Variants in RNF40 observed in about 807,000 individuals in gnomAD.
The protein encoded by RNF40 is E3 ubiquitin-protein ligase BRE1B.
RNF40 carries 39 observed loss-of-function variants against 123.3 expected under a neutral mutation model. That is an observed-to-expected ratio of 0.32 (90% confidence interval 0.24 to 0.41). The LOEUF is 0.41. Ranked by LOEUF, RNF40 falls within the 10% of genes least tolerant of loss-of-function variation. The pLI, the probability that RNF40 is intolerant of heterozygous loss-of-function variation, is 1.00. For synonymous variants in RNF40, 538 were observed against 526.0 expected (o/e 1.02, Z -0.31); for missense variants, 1,003 against 1,319.9 (o/e 0.76, Z 3.72).
At position 30,768,534 on chromosome 16, in the gene RNF40, A is replaced by C; in HGVS notation, c.1979+4A>C. 1 of 1,612,094 alleles carries C rather than the reference A, an allele frequency of 6.2e-7. No individual in the cohort carries two copies. The highest frequency in any genetic ancestry group is 8.5e-7 in the Non-Finnish European group (1 of 1,178,584). On this transcript the variant is annotated splice_donor_region_variant and intron_variant, in intron 13 of 19. Transcript: ENST00000324685. This position sits in a 1 kb window ranked among gnomAD's most constrained non-coding sequence, Gnocchi z 4.1. ...AGGGTCTCCGAGCAGAGCTCAAGTGAGGCTCTGTTCCTGTCTCCTTCCTGA... is the reference window on the plus strand; with the variant it reads ...AGGGTCTCCGAGCAGAGCTCAAGTGCGGCTCTGTTCCTGTCTCCTTCCTGA...
At position 30,766,751 on chromosome 16, in the gene RNF40, T is replaced by C; in HGVS notation, c.1304T>C (p.Leu435Pro). The C allele has an allele frequency of 6.2e-7, 1 of 1,614,000 alleles. No homozygotes were observed. Among genetic ancestry groups the C allele is most frequent in the South Asian group, 1.1e-5 (1 of 91,078 alleles). ...RHIEHMESDE[L>P]GLQKKLRTEV... is the part of the protein sequence containing the mutation. ...CACATCAACCCACAGAGCGACGAGC[T>C]GGGGCTGCAGAAGAAGCTACGCACA... The change falls in exon 11 of 20, where the codon CTG becomes CCG. Residue 435 changes from leucine to proline, a missense_variant. Physicochemically the swap from Leu to Pro is moderately conservative, Grantham distance 98. Coordinates refer to ENST00000324685, the MANE Select transcript of RNF40 (RefSeq NM_014771.4). The surrounding 1 kb of genome is among the most constrained non-coding windows in gnomAD (Gnocchi z 5.4).
rs2054198378 is a variant in RNF40 at position 30,774,291 on chromosome 16, C to T, written c.*177C>T. Reference sequence around the variant, plus strand: ...GCTAGTGGGCATGGGATCAGCCAAGCTTCGTTCCATCTTTTCCTAAAGGTC... The same window carrying T: ...GCTAGTGGGCATGGGATCAGCCAAGTTTCGTTCCATCTTTTCCTAAAGGTC... On this transcript the variant is annotated 3_prime_UTR_variant, in exon 20 of 20. Coordinates refer to ENST00000324685, the MANE Select transcript of RNF40 (RefSeq NM_014771.4). The T allele has an allele frequency of 1.6e-6, 1 of 623,222 alleles. No individual in the cohort carries two copies. The highest frequency in any genetic ancestry group is 2.3e-5 in the South Asian group (1 of 43,446). The allele number at this position is 623,222 out of a possible 1,614,324, so 38.6% of individuals were successfully genotyped here. A position where few individuals can be genotyped will look rare whatever the true frequency, so the allele number is the denominator to read the frequency against.
In RNF40 at chr16:30,765,453, G is replaced by A; in HGVS notation, c.947G>A (p.Ser316Asn). 6.2e-7 allele frequency: 1 copy of A among 1,614,130 alleles called. No individual in the cohort carries two copies. Among genetic ancestry groups the A allele is most frequent in the Non-Finnish European group, 8.5e-7 (1 of 1,180,032 alleles). Residue 316 changes from serine (S) to asparagine (N), a missense_variant, in exon 8 of 20, where the codon AGC (serine) becomes AAC (asparagine). Physicochemically the swap from Ser to Asn is conservative, Grantham distance 46. This residue lies in a region of RNF40 where 274 missense variants were observed against 356.9 expected (regional missense o/e 0.77). Coordinates refer to ENST00000324685, the MANE Select transcript of RNF40 (RefSeq NM_014771.4). ...QLNSGYYVSG[S>N]SSGFQGGQIT... is the part of the protein sequence containing the mutation. ...AACTCTGGCTACTATGTATCTGGGA[G>A]CTCCTCAGGCTTCCAGGGGGGCCAG...
Position 30,766,915 on chromosome 16 carries a change from G to A in RNF40, c.1429+39G>A, listed in dbSNP as rs780228094. The A allele has an allele frequency of 1.9e-6, 3 of 1,602,832 alleles. No homozygotes were observed. The highest frequency in any genetic ancestry group is 1.7e-6 in the Non-Finnish European group (2 of 1,174,232). On this transcript the variant is annotated intron_variant, in intron 11 of 19. Coordinates refer to ENST00000324685, the MANE Select transcript of RNF40 (RefSeq NM_014771.4). The surrounding 1 kb of genome is among the most constrained non-coding windows in gnomAD (Gnocchi z 5.4). Reference sequence around the variant, plus strand: ...ATAGGGCGGAGGTGGGGCCTTATCTGGGAGTGCTGGGCCCTGGTGTGGGGC... The same window carrying A: ...ATAGGGCGGAGGTGGGGCCTTATCTAGGAGTGCTGGGCCCTGGTGTGGGGC...
chr16:30,771,952 C>A lies in RNF40; in HGVS notation c.2706C>A (p.Ser902Arg). ...AESRAAREKE[S>R]FNLKRAQEDI... ...GCCGGGCTGCTCGTGAGAAAGAGAG[C>A]TTCAACCTCAAGAGGGCTCAGGTGT... The change falls in exon 18 of 20, where the codon AGC becomes AGA. Residue 902 changes from serine to arginine, a missense_variant. Physicochemically the swap from Ser to Arg is moderately radical, Grantham distance 110. Transcript: ENST00000324685. 6.3e-7 allele frequency: 1 copy of A among 1,598,626 alleles called. No homozygotes were observed. Among genetic ancestry groups the A allele is most frequent in the Admixed American group, 1.7e-5 (1 of 58,750 alleles).
chr16:30,772,238 T>C (rs2054161144), intron 19 of RNF40, 48 bp downstream of exon 19: 1 of 1,438,832 alleles, frequency 7.0e-7, no homozygotes, highest in Non-Finnish European at 9.6e-7. Flanking sequence ...GAATTGTAGA[T>C]GCAGGATTGC....
chr16:30,762,767 C>A lies in RNF40; in HGVS notation c.132+90C>A, dbSNP rs536537081. The A allele has an allele frequency of 4.1e-5, 62 of 1,529,384 alleles. No individual in the cohort carries two copies. In the African/African-American group the frequency reaches 8.1e-4, roughly 20 times the overall value. The allele number at this position is 1,529,384 out of a possible 1,614,324, so 94.7% of individuals were successfully genotyped here. A position where few individuals can be genotyped will look rare whatever the true frequency, so the allele number is the denominator to read the frequency against. On this transcript the variant is annotated intron_variant, in intron 2 of 19. Coordinates refer to ENST00000324685, the MANE Select transcript of RNF40 (RefSeq NM_014771.4). ...CTGTGCGGAATCTTACACCCACTTC[C>A]CCAAGTTTAGCAAGGTCCGCGTTAC...
At position 30,766,859 on chromosome 16, in the gene RNF40, C is replaced by T. The variant is rs776773684; in HGVS notation, c.1412C>T (p.Ala471Val). 2 of 1,613,300 alleles carry T rather than the reference C, an allele frequency of 1.2e-6. No individual in the cohort carries two copies. The highest frequency in any genetic ancestry group is 8.5e-7 in the Non-Finnish European group (1 of 1,179,934). The change falls in exon 11 of 20, where the codon GCG (alanine) becomes GTG (valine). Residue 471 changes from alanine to valine, a missense_variant. This residue lies in a region of RNF40 where 30 missense variants were observed against 68.9 expected (regional missense o/e 0.44). Transcript: ENST00000324685. The surrounding 1 kb of genome is among the most constrained non-coding windows in gnomAD (Gnocchi z 5.4). ...MLRIEFEQNL[A>V]ANEQAGPINR... The stretch of plus-strand genomic sequence containing the variant: ...CGCATCGAGTTTGAGCAGAATCTGG[C>T]GGCCAACGAGCAGGCGGGTATGTGG...
At chr16:30,763,091 C>T (rs770317370) in intron 2 of RNF40, 27 bp from the exon 3 acceptor site, 78 of 1,612,338 alleles carry the variant, frequency 4.8e-5, no homozygotes, top group Non-Finnish European at 6.1e-5. Flanking sequence ...TTGACGCTCT[C>T]GTCGGCCCCT....
At chr16:30,769,823 C>T (rs1463409261) in intron 17 of RNF40, among the ~76,000 whole-genome samples, 1 of 152,134 alleles carries the variant, frequency 6.6e-6, no homozygotes, top group African/African-American at 2.4e-5. Flanking sequence ...TGTTTACGGG[C>T]GTGGTGGCTC....
rs2053863013 is a variant in RNF40, at chr16:30,762,332, A to T, written c.-100A>T. ...CCAGTGACGTCCGGTGAAATCCAAG[A>T]TGGCGGCGCTAGGCTGACCCTCCTG... On this transcript the variant is annotated 5_prime_UTR_variant, in exon 1 of 20. It removes an upstream start codon present in the reference 5' UTR. Transcript: ENST00000324685. 3.9e-6 allele frequency: 2 copies of T among 510,882 alleles called. No homozygotes were observed. The highest frequency in any genetic ancestry group is 5.8e-5 in the South Asian group (2 of 34,218). 31.6% of individuals were successfully genotyped at this position (510,882 alleles called of 1,614,324 possible).
intron 17 of RNF40, 32 bp downstream of exon 17, chr16:30,769,632 G>T: frequency 6.7e-7 from 1 of 1,497,812 alleles, no homozygotes; most frequent in South Asian, 1.3e-5. Flanking sequence ...ACACAGCTTG[G>T]GCTGCTGGCT....
chr16:30,762,341 C>T lies in RNF40; in HGVS notation c.-91C>T, dbSNP rs2053863496. On this transcript the variant is annotated 5_prime_UTR_variant, in exon 1 of 20. Coordinates refer to ENST00000324685, the MANE Select transcript of RNF40 (RefSeq NM_014771.4). Reference sequence around the variant, plus strand: ...TCCGGTGAAATCCAAGATGGCGGCGCTAGGCTGACCCTCCTGCTGGTGAGG... The same window carrying T: ...TCCGGTGAAATCCAAGATGGCGGCGTTAGGCTGACCCTCCTGCTGGTGAGG... 1 of 540,066 alleles carries T rather than the reference C, an allele frequency of 1.9e-6. No individual in the cohort carries two copies. The highest frequency in any genetic ancestry group is 4.8e-4 in the Middle Eastern group (1 of 2,092). The allele number at this position is 540,066 out of a possible 1,614,324, so 33.5% of individuals were successfully genotyped here. A position where few individuals can be genotyped will look rare whatever the true frequency, so the allele number is the denominator to read the frequency against.
rs1395805438 is a variant in RNF40, at chr16:30,774,552, G to GA, written c.*439dup. Reference sequence around the variant, plus strand: ...AGCCATGTCCTTGTTCCTTGTTTGAGACTGGGCTGCAGGCCCCAGGAAGAC... The same window carrying GA: ...AGCCATGTCCTTGTTCCTTGTTTGAGAACTGGGCTGCAGGCCCCAGGAAGAC... On this transcript the variant is annotated 3_prime_UTR_variant, in exon 20 of 20. Transcript: ENST00000324685. The GA allele has an allele frequency of 6.3e-5, 14 of 223,832 alleles. No individual in the cohort carries two copies. The highest frequency in any genetic ancestry group is 5.7e-4 in the South Asian group (9 of 15,836). 13.9% of individuals were successfully genotyped at this position (223,832 alleles called of 1,614,324 possible).
rs2054234830 is a variant in RNF40 at position 30,776,292 on chromosome 16, G to C, written c.*2178G>C. 1 of 151,718 alleles carries C rather than the reference G, an allele frequency of 6.6e-6. No homozygotes were observed. The highest frequency in any genetic ancestry group is 2.4e-5 in the African/African-American group (1 of 41,220). The allele number at this position is 151,718 out of a possible 1,614,324, so 9.4% of individuals were successfully genotyped here. On this transcript the variant is annotated 3_prime_UTR_variant, in exon 20 of 20. Transcript: ENST00000324685. Reference sequence around the variant, plus strand: ...TCGTGGGTCTTCATACCTAATAAAAGTCGGCATCAAACCACTTTTTCAAGG... The same window carrying C: ...TCGTGGGTCTTCATACCTAATAAAACTCGGCATCAAACCACTTTTTCAAGG...
Position 30,775,475 on chromosome 16 carries a change from A to T in RNF40, c.*1361A>T. On this transcript the variant is annotated 3_prime_UTR_variant, in exon 20 of 20. Transcript: ENST00000324685. ...TGTAGTTCCTGGTCCGCACATGGTT[A>T]GGAGGTTCTCGGAGAGAGAGCTAGT... 2 of 173,464 alleles carry T rather than the reference A, an allele frequency of 1.2e-5. No homozygotes were observed. The highest frequency in any genetic ancestry group is 2.5e-4 in the South Asian group (2 of 7,992). 10.7% of individuals were successfully genotyped at this position (173,464 alleles called of 1,614,324 possible).
At chr16:30,772,049 T>C in intron 18 of RNF40, 40 bp from the exon 19 acceptor site, 1 of 1,579,534 alleles carries the variant, frequency 6.3e-7, no homozygotes, top group Non-Finnish European at 8.6e-7. Flanking sequence ...CGGCTCAAGG[T>C]TGAGGACCCT....
intron 2 of RNF40, 42 bp from the exon 3 acceptor site, chr16:30,763,076 C>G: frequency 1.2e-6 from 2 of 1,609,504 alleles, no homozygotes; most frequent in Non-Finnish European, 1.7e-6. Context: ...GTTTGTGGGC[C>G]CTGCTTGACG....
chr16:30,771,759 T>G (rs1596762109), intron 17 of RNF40, 74 bp from the exon 18 acceptor site: 1 of 1,481,264 alleles, frequency 6.8e-7, no homozygotes, highest in Non-Finnish European at 9.0e-7. Context: ...ACAGAAGCAT[T>G]GGTGGGCCGT....
Sources: allele counts gnomAD v4.1 joint callset (sites outside exome capture counted in the v4.1 genomes callset), GRCh38; gene constraint gnomAD v4.1.1; regional missense constraint gnomAD v4.1.1; non-coding constraint Gnocchi (gnomAD v3.1); transcripts MANE v1.5; gene names NCBI Gene and HGNC (gene_info 2026-07-23, HGNC 2026-07-21).